Variants in FAM169A observed in about 807,000 individuals in gnomAD.
The protein encoded by FAM169A is family with sequence similarity 169 member A.
In FAM169A, 24 loss-of-function variants were observed where a neutral mutation model predicts 75.7. The ratio of observed to expected loss-of-function variants is 0.32; its 90% CI spans 0.23 to 0.45. The LOEUF is 0.45. Among genes scored for constraint, FAM169A ranks in the 20% least tolerant of loss-of-function variants. FAM169A has a pLI of 1.00. For synonymous variants in FAM169A, 271 were observed against 271.0 expected, an observed-to-expected ratio of 1.00 and a Z score of 0.00; for missense variants, 673 against 784.0, an observed-to-expected ratio of 0.86 and a Z score of 1.69.
At position 74,813,848 on chromosome 5, in the gene FAM169A, A is replaced by G. The variant is rs757518947; in HGVS notation, c.662T>C (p.Met221Thr). The G allele has an allele frequency of 4.5e-6, 7 of 1,572,702 alleles. No homozygotes were observed. The South Asian group carries it at 7.2e-5, about 16-fold the overall frequency. Residue 221 changes from methionine to threonine, a missense_variant, in exon 6 of 13, where the codon ATG becomes ACG. Met to Thr is a moderately conservative substitution (Grantham distance 81). Around this residue, in one of 3 missense-constraint regions of FAM169A, gnomAD observed 510 missense variants for 550.9 expected, o/e 0.93. Coordinates refer to ENST00000687041, the MANE Select transcript of FAM169A (RefSeq NM_001376049.1). ...LGLRYPLSSL[M>T]YTACKQYFEK... ...TAACTTAGTCCATTTACCTGTATACATGAGAGAAGACAGTGGATACCGCAA... is the reference window on the plus strand; with the variant it reads ...TAACTTAGTCCATTTACCTGTATACGTGAGAGAAGACAGTGGATACCGCAA...
chr5:74,841,228 T>A (rs1207484245), intron 2 of FAM169A, among the ~76,000 whole-genome samples: 1 of 152,200 alleles, frequency 6.6e-6, no homozygotes, highest in Non-Finnish European at 1.5e-5. Context: ...GATTTTTTAA[T>A]TAAAAAATTT....
chr5:74,790,601 G>A (rs1218817141), intron 11 of FAM169A, among the ~76,000 whole-genome samples: 2 of 152,296 alleles, frequency 1.3e-5, no homozygotes, highest in East Asian at 3.9e-4. Context: ...ATAATCGAGT[G>A]GATAGGATGA....
At chr5:74,849,657 C>T (rs1749340134) in intron 1 of FAM169A, among the ~76,000 whole-genome samples, 1 of 151,996 alleles carries the variant, frequency 6.6e-6, no homozygotes, top group African/African-American at 2.4e-5. Flanking sequence ...TGATCCCTCC[C>T]TTTTCTGTTT....
chr5:74,799,638 TG>T, intron 10 of FAM169A: 1 of 1,379,898 alleles, frequency 7.2e-7, no homozygotes, highest in Non-Finnish European at 1.0e-6. Context: ...TCTCCGCCAG[TG>T]GGAGCCACCT....
chr5:74,789,625 T>C (rs1038001141), intron 11 of FAM169A, among the ~76,000 whole-genome samples: 10 of 152,204 alleles, frequency 6.6e-5, no homozygotes, highest in Admixed American at 2.6e-4. Context: ...CTAATGGTGC[T>C]TGAGGTGTCA....
At chr5:74,788,613 G>A (rs1745814436) in intron 11 of FAM169A, among the ~76,000 whole-genome samples, 1 of 151,936 alleles carries the variant, frequency 6.6e-6, no homozygotes, top group Non-Finnish European at 1.5e-5. Context: ...GCTGAGACAG[G>A]AGAATCGCTT....
In FAM169A at chr5:74,782,110, G is replaced by A. The variant is rs1177838520; in HGVS notation, c.1465-102C>T. On this transcript the variant is annotated intron_variant, in intron 12 of 12. Transcript: ENST00000687041. ...GTGACACTGAACTAGAATTTAATTC[G>A]GTATTCATTACTCAAAATCGAGTAT... The A allele has an allele frequency of 8.2e-6, 7 of 854,432 alleles. No individual in the cohort carries two copies. In the African/African-American group the frequency reaches 8.5e-5, roughly 10 times the overall value. The allele number at this position is 854,432 out of a possible 1,614,324, so 52.9% of individuals were successfully genotyped here.
rs1385397843 is a variant in FAM169A, at chr5:74,799,308, C to T, written c.1103+1572G>A. The T allele has an allele frequency of 6.8e-5, 109 of 1,593,342 alleles. No homozygotes were observed. The Admixed American group carries it at 1.7e-3, about 24-fold the overall frequency. ...GCACAGCTACTTTTGTGAAGTGGTCCGCCCTAGAGAACAAATTTGCTGTGG... is the reference window on the plus strand; with the variant it reads ...GCACAGCTACTTTTGTGAAGTGGTCTGCCCTAGAGAACAAATTTGCTGTGG... On this transcript the variant is annotated intron_variant, in intron 10 of 12. Coordinates refer to ENST00000687041, the MANE Select transcript of FAM169A (RefSeq NM_001376049.1).
chr5:74,841,759 C>T (rs1478180980), intron 1 of FAM169A, 80 bp from the exon 2 acceptor site: 4 of 1,212,674 alleles, frequency 3.3e-6, no homozygotes, highest in Non-Finnish European at 1.1e-6. Flanking sequence ...AATTTTACTA[C>T]AATGTTGCCA....
intron 6 of FAM169A, among the ~76,000 whole-genome samples, chr5:74,806,914 C>A (rs1580105792): frequency 1.3e-5 from 2 of 152,052 alleles, no homozygotes; most frequent in East Asian, 1.9e-4. Flanking sequence ...AGATGATAAA[C>A]CTCACTAGCT....
At chr5:74,835,548 GC>G (rs1748528374) in intron 4 of FAM169A, among the ~76,000 whole-genome samples, 1 of 146,538 alleles carries the variant, frequency 6.8e-6, no homozygotes, top group African/African-American at 2.6e-5. Flanking sequence ...GTTGCAGTGA[GC>G]TGTGACTGCA....
At chr5:74,800,052 C>T in intron 10 of FAM169A, 1 of 726,550 alleles carries the variant, frequency 1.4e-6, no homozygotes. Flanking sequence ...AGAGCCATGA[C>T]AATTTGGGAT....
chr5:74,864,885 A>G (rs1423736996), intron 1 of FAM169A, among the ~76,000 whole-genome samples: 2 of 152,246 alleles, frequency 1.3e-5, no homozygotes, highest in Non-Finnish European at 2.9e-5. Flanking sequence ...CTAAAACACT[A>G]AAAATTTTAG....
intron 1 of FAM169A, among the ~76,000 whole-genome samples, chr5:74,855,820 C>T (rs780200603): frequency 1.9e-4 from 29 of 152,162 alleles, no homozygotes; most frequent in Admixed American, 1.9e-3. Context: ...GCTTTGATTG[C>T]CTGTCTTGTG....
chr5:74,863,165 C>G (rs1223757188), intron 1 of FAM169A, among the ~76,000 whole-genome samples: 1 of 152,108 alleles, frequency 6.6e-6, no homozygotes, highest in East Asian at 1.9e-4. Flanking sequence ...CTCTAAAACT[C>G]CATGAGTCTA....
chr5:74,799,273 A>G lies in FAM169A; in HGVS notation c.1103+1607T>C. On this transcript the variant is annotated intron_variant, in intron 10 of 12. Coordinates refer to ENST00000687041, the MANE Select transcript of FAM169A (RefSeq NM_001376049.1). ...CTGGAAGCCAACACTGATGATCCTG[A>G]GAATTAATCGCACAGCTACTTTTGT... 3 of 1,545,070 alleles carry G rather than the reference A, an allele frequency of 1.9e-6. No individual in the cohort carries two copies. The Admixed American group carries it at 5.0e-5, about 26-fold the overall frequency.
At chr5:74,817,901 T>C (rs1580121232) in intron 5 of FAM169A, among the ~76,000 whole-genome samples, 1 of 152,284 alleles carries the variant, frequency 6.6e-6, no homozygotes, top group East Asian at 1.9e-4. Context: ...GACAATTCTA[T>C]GGAGGAAAAT....
At chr5:74,808,549 T>A (rs1747007417) in intron 6 of FAM169A, among the ~76,000 whole-genome samples, 1 of 152,032 alleles carries the variant, frequency 6.6e-6, no homozygotes, top group South Asian at 2.1e-4. Context: ...AAGCTTTGGA[T>A]ATAGACAGTG....
chr5:74,831,136 T>C (rs974627047), intron 5 of FAM169A, among the ~76,000 whole-genome samples: 4 of 151,900 alleles, frequency 2.6e-5, no homozygotes, highest in Non-Finnish European at 5.9e-5. Flanking sequence ...CAGAAAACTT[T>C]AGAGCCAAAA....
Sources: gnomAD v4.1 joint callset for allele counts (sites outside exome capture counted in the v4.1 genomes callset) on GRCh38, gnomAD v4.1.1 for gene constraint, gnomAD v4.1.1 regional missense constraint, MANE v1.5 for transcripts, NCBI Gene and HGNC (gene_info 2026-07-23, HGNC 2026-07-21) for gene names.